The following DLX2 variants were observed in gnomAD, a reference collection of about 807,000 sequenced individuals.
DLX2 encodes the protein distal-less homeobox 2, also known as homeobox protein DLX-2.
DLX2 carries 8 observed loss-of-function variants against 27.4 expected under a neutral mutation model. The ratio of observed to expected loss-of-function variants is 0.29; its 90% CI spans 0.17 to 0.53. The LOEUF (loss-of-function observed/expected upper bound fraction) is 0.53. Among genes scored for constraint, DLX2 ranks in the 20% least tolerant of loss-of-function variants. The pLI is 0.96. For missense variants in DLX2, 421 were observed against 450.9 expected, an observed-to-expected ratio of 0.93 and a Z score of 0.60; for synonymous variants, 210 against 200.8, an observed-to-expected ratio of 1.05 and a Z score of -0.39.
Position 172,102,552 on chromosome 2 carries a change from G to C in DLX2, c.-14C>G, listed in dbSNP as rs1375086252. 2 of 1,517,296 alleles carry C rather than the reference G, an allele frequency of 1.3e-6. No individual in the cohort carries two copies. Among genetic ancestry groups the C allele is most frequent in the Non-Finnish European group, 1.8e-6 (2 of 1,133,890 alleles). 94.0% of individuals were successfully genotyped at this position (1,517,296 alleles called of 1,614,324 possible). On this transcript the variant is annotated 5_prime_UTR_variant, in exon 1 of 3. Coordinates refer to ENST00000234198, the MANE Select transcript of DLX2 (RefSeq NM_004405.4). ...GACTCCAGTCATCCTGGCCCGAGAC[G>C]GGAAAGAGCAGAGGTGGCGGGCGTG...
At position 172,100,880 on chromosome 2, in the gene DLX2, G is replaced by C; in HGVS notation, c.650C>G (p.Pro217Arg). ...GCTGGCCCCAGGGTGCTGCTCCGAG[G>C]GGATCTCACCACTTTTCCACATCTT... The part of the protein sequence containing the change: ...FKKMWKSGEI[P>R]SEQHPGASAS... Residue 217 changes from proline (P) to arginine (R), a missense_variant, in exon 3 of 3, where the codon CCC (proline) becomes CGC (arginine). This residue lies in a region of DLX2 where 185 missense variants were observed against 171.1 expected (regional missense o/e 1.08). Transcript: ENST00000234198. This position sits in a 1 kb window ranked among gnomAD's most constrained non-coding sequence, Gnocchi z 4.5. 6.2e-7 allele frequency: 1 copy of C among 1,613,034 alleles called. No individual in the cohort carries two copies. Among genetic ancestry groups the C allele is most frequent in the African/African-American group, 1.3e-5 (1 of 75,014 alleles).
chr2:172,100,663 G>A lies in DLX2; in HGVS notation c.867C>T (p.Ser289=), dbSNP rs1270082774. 4 of 1,563,070 alleles carry A rather than the reference G, an allele frequency of 2.6e-6. No homozygotes were observed. In the East Asian group the frequency reaches 7.0e-5, roughly 28 times the overall value. ...GCGCCGTGGCCTGCAGGTGTGAGGC[G>A]GATCCCGAGGTCTGGTGGTACCAGG... ...NYPWYHQTSG[S]ASHLQATAPL... is the part of the protein sequence containing the mutation. The change falls in exon 3 of 3, where the codon TCC becomes TCT. Residue 289 remains serine, a synonymous_variant. Coordinates refer to ENST00000234198, the MANE Select transcript of DLX2 (RefSeq NM_004405.4). The surrounding 1 kb of genome is among the most constrained non-coding windows in gnomAD (Gnocchi z 4.5).
rs780994188 is a variant in DLX2, at chr2:172,100,734, C to T, written c.796G>A (p.Gly266Ser). 1.9e-6 allele frequency: 3 copies of T among 1,548,916 alleles called. No individual in the cohort carries two copies. Among genetic ancestry groups the T allele is most frequent in the African/African-American group, 2.8e-5 (2 of 71,506 alleles). Residue 266 changes from glycine (G) to serine (S), a missense_variant, in exon 3 of 3, where the codon GGC (glycine) becomes AGC (serine). Physicochemically the swap from Gly to Ser is moderately conservative, Grantham distance 56. Transcript: ENST00000234198. The surrounding 1 kb of genome is among the most constrained non-coding windows in gnomAD (Gnocchi z 4.5). ...GAGGCCGCGCTGCTCGGGCTGGAGCCCGAGCTGCCGGCGCCGCTGCCGCCA... is the reference window on the plus strand; with the variant it reads ...GAGGCCGCGCTGCTCGGGCTGGAGCTCGAGCTGCCGGCGCCGCTGCCGCCA... Reference protein sequence around the residue: ...GSGGSGAGSSGSSPSSAASAF... With the variant: ...GSGGSGAGSSSSSPSSAASAF...
At position 172,100,365 on chromosome 2, in the gene DLX2, G is replaced by T; in HGVS notation, c.*178C>A. The T allele has an allele frequency of 1.6e-6, 1 of 609,208 alleles. No individual in the cohort carries two copies. The highest frequency in any genetic ancestry group is 2.6e-6 in the Non-Finnish European group (1 of 388,228). The allele number at this position is 609,208 out of a possible 1,614,324, so 37.7% of individuals were successfully genotyped here. A position where few individuals can be genotyped will look rare whatever the true frequency, so the allele number is the denominator to read the frequency against. On this transcript the variant is annotated 3_prime_UTR_variant, in exon 3 of 3. Coordinates refer to ENST00000234198, the MANE Select transcript of DLX2 (RefSeq NM_004405.4). This position sits in a 1 kb window ranked among gnomAD's most constrained non-coding sequence, Gnocchi z 4.5. ...CCAAGCTGCTGTCCGGTTCCCCCGA[G>T]AGAGGGGCCCGTTTGGTGGCCCCGG...
Position 172,100,346 on chromosome 2 carries a change from T to C in DLX2, c.*197A>G, listed in dbSNP as rs1296488738. 3.8e-6 allele frequency: 2 copies of C among 528,018 alleles called. No homozygotes were observed. The highest frequency in any genetic ancestry group is 4.2e-5 in the Admixed American group (1 of 23,846). 32.7% of individuals were successfully genotyped at this position (528,018 alleles called of 1,614,324 possible). On this transcript the variant is annotated 3_prime_UTR_variant, in exon 3 of 3. Transcript: ENST00000234198. The surrounding 1 kb of genome is among the most constrained non-coding windows in gnomAD (Gnocchi z 4.5). ...CCTTTTAGGGAGGCCTTTGCCAAGCTGCTGTCCGGTTCCCCCGAGAGAGGG... is the reference window on the plus strand; with the variant it reads ...CCTTTTAGGGAGGCCTTTGCCAAGCCGCTGTCCGGTTCCCCCGAGAGAGGG...
In DLX2 at chr2:172,102,331, G is replaced by T. The variant is rs556631927; in HGVS notation, c.208C>A (p.Gln70Lys). 4 of 1,603,894 alleles carry T rather than the reference G, an allele frequency of 2.5e-6. No individual in the cohort carries two copies. The highest frequency in any genetic ancestry group is 2.7e-5 in the African/African-American group (2 of 74,844). The change falls in exon 1 of 3, where the codon CAG (glutamine) becomes AAG (lysine). Residue 70 changes from glutamine to lysine, a missense_variant. Coordinates refer to ENST00000234198, the MANE Select transcript of DLX2 (RefSeq NM_004405.4). ...CCGCCGCCGCCCGCCGGGTGCTGCT[G>T]GTTGGTGTAGTAGCTGCTGTCGGTG... ...TATDSSYYTN[Q>K]QHPAGGGGGG...
chr2:172,100,326 T>C lies in DLX2; in HGVS notation c.*217A>G, dbSNP rs1304541112. 7 of 478,034 alleles carry C rather than the reference T, an allele frequency of 1.5e-5. No homozygotes were observed. The highest frequency in any genetic ancestry group is 2.5e-5 in the Non-Finnish European group (7 of 279,856). 29.6% of individuals were successfully genotyped at this position (478,034 alleles called of 1,614,324 possible). ...GGCTCAGGTCAGAAATGCGGCCTTT[T>C]AGGGAGGCCTTTGCCAAGCTGCTGT... On this transcript the variant is annotated 3_prime_UTR_variant, in exon 3 of 3. Transcript: ENST00000234198. This position sits in a 1 kb window ranked among gnomAD's most constrained non-coding sequence, Gnocchi z 4.5.
rs1691180763 is a variant in DLX2 at position 172,102,438 on chromosome 2, C to T, written c.101G>A (p.Gly34Asp). ...HQHQQPPSGG[G>D]AGPGGNSSSS... The stretch of plus-strand genomic sequence containing the variant: ...GCTGCTGTTGCCACCCGGGCCGGCG[C>T]CGCCGCCGCTCGGGGGCTGCTGGTG... The change falls in exon 1 of 3, where the codon GGC becomes GAC. Residue 34 changes from glycine (G) to aspartate (D), a missense_variant. Around this residue, in one of 5 missense-constraint regions of DLX2, gnomAD observed 53 missense variants for 59.5 expected, o/e 0.89. Coordinates refer to ENST00000234198, the MANE Select transcript of DLX2 (RefSeq NM_004405.4). 5.2e-6 allele frequency: 8 copies of T among 1,548,968 alleles called. 1 individual carries two copies. The South Asian group carries it at 9.5e-5, about 18-fold the overall frequency.
intron 1 of DLX2, 26 bp from the exon 2 acceptor site, chr2:172,101,672 C>A: frequency 6.2e-7 from 1 of 1,609,816 alleles, no homozygotes; most frequent in Non-Finnish European, 8.5e-7. Context: ...ATCGTAAGAA[C>A]AGCGCAACCC....
At position 172,099,490 on chromosome 2, in the gene DLX2, C is replaced by G. The variant is rs1050580471; in HGVS notation, c.*1053G>C. 7 of 152,632 alleles carry G rather than the reference C, an allele frequency of 4.6e-5. No homozygotes were observed. The highest frequency in any genetic ancestry group is 4.6e-4 in the Admixed American group (7 of 15,282). The allele number at this position is 152,632 out of a possible 1,614,324, so 9.5% of individuals were successfully genotyped here. On this transcript the variant is annotated 3_prime_UTR_variant, in exon 3 of 3. Transcript: ENST00000234198. ...TAATCTCTTCATATTGTAAAATCAA[C>G]ATTAAGAGCATGTTGTTTTCATAAT...
Position 172,100,593 on chromosome 2 carries a change from G to A in DLX2, c.937C>T (p.His313Tyr). The change falls in exon 3 of 3, where the codon CAC becomes TAC. Residue 313 changes from histidine to tyrosine, a missense_variant. Physicochemically the swap from His to Tyr is moderately conservative, Grantham distance 83. Coordinates refer to ENST00000234198, the MANE Select transcript of DLX2 (RefSeq NM_004405.4). This position sits in a 1 kb window ranked among gnomAD's most constrained non-coding sequence, Gnocchi z 4.5. The part of the protein sequence containing the change: ...TQTPQPHHHH[H>Y]HHGGGGAPVS... ...GGGGCGCCCCCGCCGCCGTGATGGT[G>A]GTGGTGGTGATGCGGCTGCGGGGTC... 6.3e-7 allele frequency: 1 copy of A among 1,580,356 alleles called. No homozygotes were observed. The highest frequency in any genetic ancestry group is 8.6e-7 in the Non-Finnish European group (1 of 1,167,244).
chr2:172,102,760 G>T lies in DLX2; in HGVS notation c.-222C>A. On this transcript the variant is annotated 5_prime_UTR_variant, in exon 1 of 3. Coordinates refer to ENST00000234198, the MANE Select transcript of DLX2 (RefSeq NM_004405.4). ...CTGGTCGCATCCTCTTTCGGCCTCT[G>T]GGCCCGCTCGGCTCCTTGCCCAGCG... is the stretch of plus-strand genomic sequence containing the variant. 1 of 496,228 alleles carries T rather than the reference G, an allele frequency of 2.0e-6. No homozygotes were observed. Among genetic ancestry groups the T allele is most frequent in the Non-Finnish European group, 3.5e-6 (1 of 288,120 alleles). 30.7% of individuals were successfully genotyped at this position (496,228 alleles called of 1,614,324 possible).
chr2:172,102,276 C>A lies in DLX2; in HGVS notation c.263G>T (p.Gly88Val), dbSNP rs765319733. 6.2e-7 allele frequency: 1 copy of A among 1,613,864 alleles called. No homozygotes were observed. ...GGGGSPYAHMGSYQYQASGLN... is the reference protein window; with the variant it reads ...GGGGSPYAHMVSYQYQASGLN... ...GCCGCTGGCTTGGTACTGGTAGGAACCCATGTGCGCGTAGGGCGAGCCCCC... is the reference window on the plus strand; with the variant it reads ...GCCGCTGGCTTGGTACTGGTAGGAAACCATGTGCGCGTAGGGCGAGCCCCC... Residue 88 changes from glycine to valine, a missense_variant, in exon 1 of 3, where the codon GGT becomes GTT. By Grantham distance (109) the Gly-to-Val change is moderately radical. Coordinates refer to ENST00000234198, the MANE Select transcript of DLX2 (RefSeq NM_004405.4).
Position 172,102,299 on chromosome 2 carries a change from C to T in DLX2, c.240G>A (p.Gly80=). Residue 80 remains glycine (G), a synonymous_variant, in exon 1 of 3, where the codon GGG becomes GGA. Coordinates refer to ENST00000234198, the MANE Select transcript of DLX2 (RefSeq NM_004405.4). Reference sequence around the variant, plus strand: ...AACCCATGTGCGCGTAGGGCGAGCCCCCGCCGCCGCCGCCGCCCGCCGGGT... The same window carrying T: ...AACCCATGTGCGCGTAGGGCGAGCCTCCGCCGCCGCCGCCGCCCGCCGGGT... ...QQHPAGGGGG[G]GSPYAHMGSY... The T allele has an allele frequency of 1.2e-6, 2 of 1,609,118 alleles. No homozygotes were observed. The highest frequency in any genetic ancestry group is 1.1e-5 in the South Asian group (1 of 90,834).
At position 172,101,478 on chromosome 2, in the gene DLX2, C is replaced by T; in HGVS notation, c.569G>A (p.Gly190Asp). Residue 190 changes from glycine (G) to aspartate (D), a missense_variant, in exon 2 of 3, where the codon GGC (glycine) becomes GAC (aspartate). By Grantham distance (94) the Gly-to-Asp change is moderately conservative. Coordinates refer to ENST00000234198, the MANE Select transcript of DLX2 (RefSeq NM_004405.4). ...GAGCCCCACCTGAGTCTGGGTGAGG[C>T]CCAGAGAGGCCGCCAGCTCGGCTCG... ...PERAELAASL[G>D]LTQTQVKIWF... is the part of the protein sequence containing the mutation. The T allele has an allele frequency of 2.5e-6, 4 of 1,605,376 alleles. No homozygotes were observed. The highest frequency in any genetic ancestry group is 3.4e-6 in the Non-Finnish European group (4 of 1,175,732).
Position 172,100,602 on chromosome 2 carries a change from G to T in DLX2, c.928C>A (p.His310Asn). 1.3e-6 allele frequency: 2 copies of T among 1,576,614 alleles called. No homozygotes were observed. The highest frequency in any genetic ancestry group is 1.7e-6 in the Non-Finnish European group (2 of 1,165,694). The part of the protein sequence containing the change: ...LHPTQTPQPH[H>N]HHHHHGGGGA... ...CCGCCGCCGTGATGGTGGTGGTGGT[G>T]ATGCGGCTGCGGGGTCTGAGTGGGG... The change falls in exon 3 of 3, where the codon CAC becomes AAC. Residue 310 changes from histidine (H) to asparagine (N), a missense_variant. Physicochemically the swap from His to Asn is moderately conservative, Grantham distance 68 (BLOSUM62 1). Around this residue, in one of 5 missense-constraint regions of DLX2, gnomAD observed 185 missense variants for 171.1 expected, o/e 1.08. Coordinates refer to ENST00000234198, the MANE Select transcript of DLX2 (RefSeq NM_004405.4). This position sits in a 1 kb window ranked among gnomAD's most constrained non-coding sequence, Gnocchi z 4.5.
chr2:172,100,562 C>A lies in DLX2; in HGVS notation c.968G>T (p.Ser323Ile), dbSNP rs1256349326. 4 of 1,577,616 alleles carry A rather than the reference C, an allele frequency of 2.5e-6. No individual in the cohort carries two copies. The highest frequency in any genetic ancestry group is 3.4e-6 in the Non-Finnish European group (4 of 1,165,998). The change falls in exon 3 of 3, where the codon AGC becomes ATC. Residue 323 changes from serine to isoleucine, a missense_variant. Coordinates refer to ENST00000234198, the MANE Select transcript of DLX2 (RefSeq NM_004405.4). This position sits in a 1 kb window ranked among gnomAD's most constrained non-coding sequence, Gnocchi z 4.5. Reference protein sequence around the residue: ...HHHGGGGAPVSAGTIF With the variant: ...HHHGGGGAPVIAGTIF ...CTGGGGTTAGAAAATCGTCCCCGCG[C>A]TCACCGGGGCGCCCCCGCCGCCGTG...
Position 172,101,340 on chromosome 2 carries a change from G to T in DLX2, c.585+122C>A, listed in dbSNP as rs1394720723. The T allele has an allele frequency of 9.5e-6, 11 of 1,159,486 alleles. No homozygotes were observed. In the East Asian group the frequency reaches 2.6e-4, roughly 27 times the overall value. The allele number at this position is 1,159,486 out of a possible 1,614,324, so 71.8% of individuals were successfully genotyped here. ...AAGCTTACTTAGGGCCGCTCGAGGC[G>T]CAGGCCTGGAAATCCTTAAAAGTAC... On this transcript the variant is annotated intron_variant, in intron 2 of 2. Transcript: ENST00000234198.
chr2:172,102,596 T>G lies in DLX2; in HGVS notation c.-58A>C. The G allele has an allele frequency of 1.3e-5, 18 of 1,428,100 alleles. No homozygotes were observed. The highest frequency in any genetic ancestry group is 1.5e-5 in the Non-Finnish European group (16 of 1,077,006). The allele number at this position is 1,428,100 out of a possible 1,614,324, so 88.5% of individuals were successfully genotyped here. On this transcript the variant is annotated 5_prime_UTR_variant, in exon 1 of 3. Transcript: ENST00000234198. ...GGGCGTGCGGGGGAAGCCAGGCGCC[T>G]CCTCTGTCTCTCCCGGTCCCCTCCA...
Sources: allele counts gnomAD v4.1 joint callset, GRCh38; gene constraint gnomAD v4.1.1; regional missense constraint gnomAD v4.1.1; non-coding constraint Gnocchi (gnomAD v3.1); transcripts MANE v1.5; gene names NCBI Gene and HGNC (gene_info 2026-07-23, HGNC 2026-07-21).